FAM178B: variants seen among roughly 807,000 people sequenced by gnomAD.
FAM178B encodes family with sequence similarity 178 member B.
In FAM178B, 82 loss-of-function variants were observed where a neutral mutation model predicts 91.7. The ratio of observed to expected loss-of-function variants is 0.89; its 90% CI spans 0.75 to 1.07. The LOEUF is 1.07. FAM178B is among the 50% of genes least tolerant of loss of function. The pLI is 0.00. For missense variants in FAM178B, 769 were observed against 846.7 expected, an observed-to-expected ratio of 0.91 and a Z score of 1.14; for synonymous variants, 368 against 359.4, an observed-to-expected ratio of 1.02 and a Z score of -0.27.
intron 9 of FAM178B, among the ~76,000 whole-genome samples, chr2:96,923,956 G>A (rs1430103645): frequency 6.6e-6 from 1 of 152,238 alleles, no homozygotes; most frequent in Non-Finnish European, 1.5e-5. Flanking sequence ...GAAAGAGAGA[G>A]GGAGAGAGAA....
At chr2:96,953,182 C>G (rs1574296034) in intron 6 of FAM178B, among the ~76,000 whole-genome samples, 3 of 152,322 alleles carry the variant, frequency 2.0e-5, no homozygotes, top group Admixed American at 2.0e-4. Flanking sequence ...TACACGTGCA[C>G]CCCAGGACTG....
Position 96,947,869 on chromosome 2 carries a change from C to T in FAM178B, c.1027G>A (p.Ala343Thr). 1.3e-6 allele frequency: 2 copies of T among 1,548,476 alleles called. No individual in the cohort carries two copies. The highest frequency in any genetic ancestry group is 1.7e-6 in the Non-Finnish European group (2 of 1,144,406). The change falls in exon 8 of 17, where the codon GCC (alanine) becomes ACC (threonine). Residue 343 changes from alanine (A) to threonine (T), a missense_variant. Coordinates refer to ENST00000490605, the MANE Select transcript of FAM178B (RefSeq NM_001122646.3). The stretch of plus-strand genomic sequence containing the variant: ...ATGAGATCCCACAGAAGACCAAAGG[C>T]TCCCAAAGATGTTTCTGGAGGCCAT... The part of the protein sequence containing the change: ...LTWPPETSLG[A>T]FGLLWDLIVD...
intron 12 of FAM178B, among the ~76,000 whole-genome samples, chr2:96,905,270 A>T (rs2081008841): frequency 6.6e-6 from 1 of 152,092 alleles, no homozygotes; most frequent in Admixed American, 6.6e-5. Context: ...TTAAGAAAAA[A>T]ATTCAGGCCA....
At chr2:96,879,385 C>T (rs1396276221) in intron 14 of FAM178B, among the ~76,000 whole-genome samples, 2 of 152,170 alleles carry the variant, frequency 1.3e-5, no homozygotes, top group East Asian at 3.9e-4. Context: ...CAGAACCAGC[C>T]CACGGCCCCT....
rs779568762 is a variant in FAM178B at position 96,876,254 on chromosome 2, G to A, written c.*22C>T. ...ACTTCCTGCTGAAGCCAGGAGCCCT[G>A]GGCTGCCCTGACCCTGTCCCTTTAG... On this transcript the variant is annotated 3_prime_UTR_variant, in exon 17 of 17. Coordinates refer to ENST00000490605, the MANE Select transcript of FAM178B (RefSeq NM_001122646.3). The A allele has an allele frequency of 8.1e-6, 13 of 1,606,436 alleles. No homozygotes were observed. In the Middle Eastern group the frequency reaches 5.0e-4, roughly 61 times the overall value.
chr2:96,886,794 G>T (rs1173605595), intron 14 of FAM178B, among the ~76,000 whole-genome samples: 1 of 152,208 alleles, frequency 6.6e-6, no homozygotes, highest in Admixed American at 6.5e-5. Context: ...GCCGTCTTCG[G>T]TGCACAGCTG....
Position 96,983,917 on chromosome 2 carries a change from C to T in FAM178B, c.73+2324G>A, listed in dbSNP as rs188678422. Reference sequence around the variant, plus strand: ...ATAACTACTACTTATTTATCCATTCCGCTGTTGATGAGCATTTGAGTTATT... The same window carrying T: ...ATAACTACTACTTATTTATCCATTCTGCTGTTGATGAGCATTTGAGTTATT... On this transcript the variant is annotated intron_variant, in intron 1 of 16. Transcript: ENST00000490605. 1.4e-3 allele frequency among the ~76,000 whole-genome samples: 212 copies of T among 152,248 alleles called. 3 individuals are homozygous for T. Among genetic ancestry groups the T allele is most frequent in the Admixed American group, 0.012 (189 of 15,286 alleles).
intron 12 of FAM178B, among the ~76,000 whole-genome samples, chr2:96,904,755 GC>G (rs1372494317): frequency 6.6e-6 from 1 of 151,966 alleles, no homozygotes; most frequent in African/African-American, 2.4e-5. Context: ...CTCCACGCCT[GC>G]AGTCCCTGCT....
intron 12 of FAM178B, among the ~76,000 whole-genome samples, chr2:96,912,768 C>T (rs1405663150): frequency 1.3e-5 from 2 of 152,216 alleles, no homozygotes; most frequent in Non-Finnish European, 2.9e-5. Flanking sequence ...CGACCTTCAT[C>T]TTGCCTCTTG....
chr2:96,904,584 G>A (rs907252533), intron 12 of FAM178B, among the ~76,000 whole-genome samples: 1 of 148,400 alleles, frequency 6.7e-6, no homozygotes, highest in Non-Finnish European at 1.5e-5. Flanking sequence ...AGCAGAGACG[G>A]GGTTTCACCA....
intron 6 of FAM178B, among the ~76,000 whole-genome samples, chr2:96,958,967 G>A (rs540215013): frequency 6.6e-5 from 10 of 151,702 alleles, no homozygotes; most frequent in Admixed American, 1.3e-4. Flanking sequence ...TTGGGAGGCC[G>A]AGGTGGGCAG....
chr2:96,894,643 C>T (rs1460194720), intron 13 of FAM178B, among the ~76,000 whole-genome samples: 1 of 94,022 alleles, frequency 1.1e-5, no homozygotes, highest in Non-Finnish European at 2.2e-5. Context: ...GACCCCCCAC[C>T]CACAGATCCC....
chr2:96,967,461 G>T, intron 5 of FAM178B, 59 bp downstream of exon 5: 1 of 1,073,044 alleles, frequency 9.3e-7, no homozygotes. Flanking sequence ...CAAAACCAGA[G>T]GGGGTTGGCA....
chr2:96,967,692 G>A, intron 4 of FAM178B, 65 bp from the exon 5 acceptor site: 1 of 1,159,910 alleles, frequency 8.6e-7, no homozygotes, highest in Non-Finnish European at 1.2e-6. Context: ...CCCTGTCACT[G>A]GGCTGCAGGT....
intron 1 of FAM178B, among the ~76,000 whole-genome samples, chr2:96,984,052 C>A (rs1320835062): frequency 2.0e-5 from 3 of 152,072 alleles, no homozygotes; most frequent in Non-Finnish European, 4.4e-5. Context: ...TCACTGCAAC[C>A]TCCGCCTCCC....
At chr2:96,937,179 AACC>A (rs1305557329) in intron 8 of FAM178B, among the ~76,000 whole-genome samples, 1 of 102,538 alleles carries the variant, frequency 9.8e-6, no homozygotes, top group Non-Finnish European at 1.8e-5. Flanking sequence ...TACAGGTGTG[AACC>A]ACCACACCTG....
intron 12 of FAM178B, 62 bp from the exon 13 acceptor site, chr2:96,902,769 G>T (rs1420223466): frequency 2.4e-6 from 3 of 1,270,570 alleles, no homozygotes; most frequent in Non-Finnish European, 3.4e-6. Context: ...CGAGCAGGGG[G>T]CAGGATACCC....
chr2:96,944,386 C>T lies in FAM178B; in HGVS notation c.1078+3432G>A, dbSNP rs138223253. 4.4e-3 allele frequency among the ~76,000 whole-genome samples: 672 copies of T among 152,208 alleles called. 4 individuals are homozygous for T. Among genetic ancestry groups the T allele is most frequent in the Non-Finnish European group, 7.0e-3 (474 of 68,008 alleles). On this transcript the variant is annotated intron_variant, in intron 8 of 16. Coordinates refer to ENST00000490605, the MANE Select transcript of FAM178B (RefSeq NM_001122646.3). ...GACAGACAAACAACATGGCAAGTGACCTCTAAAGCCCGTGACCCCAGTTCT... is the reference window on the plus strand; with the variant it reads ...GACAGACAAACAACATGGCAAGTGATCTCTAAAGCCCGTGACCCCAGTTCT...
At chr2:96,893,792 G>T in intron 14 of FAM178B, 134 bp downstream of exon 14, 2 of 1,108,744 alleles carry the variant, frequency 1.8e-6, no homozygotes, top group Non-Finnish European at 2.5e-6. Context: ...GCAGCCTGTT[G>T]GTCTCTGCCC....
Sources: gnomAD v4.1 joint callset for allele counts (sites outside exome capture counted in the v4.1 genomes callset) on GRCh38, gnomAD v4.1.1 for gene constraint, MANE v1.5 for transcripts, NCBI Gene and HGNC (gene_info 2026-07-23, HGNC 2026-07-21) for gene names.